SCN11A: variants seen among roughly 807,000 people sequenced by gnomAD.
SCN11A encodes the protein sodium channel protein type 11 subunit alpha.
SCN11A carries 122 observed loss-of-function variants against 162.2 expected under a neutral mutation model. The ratio of observed to expected loss-of-function variants is 0.75; its 90% CI spans 0.65 to 0.87. The LOEUF (loss-of-function observed/expected upper bound fraction) is 0.87. SCN11A is among the 40% of genes least tolerant of loss of function. SCN11A has a pLI of 0.00. For missense variants in SCN11A, 2,015 were observed against 2,181.6 expected (o/e 0.92, Z 1.52); for synonymous variants, 758 against 751.5 (o/e 1.01, Z -0.14).
At chr3:39,012,068 G>A in intron 2 of SCN11A, among the ~76,000 whole-genome samples, 1 of 152,230 alleles carries the variant, frequency 6.6e-6, no homozygotes, top group East Asian at 1.9e-4. Context: ...GCTCATGCCT[G>A]TAATCTCAGC....
chr3:38,856,241 C>A (rs992561044), intron 28 of SCN11A, among the ~76,000 whole-genome samples: 11 of 152,162 alleles, frequency 7.2e-5, no homozygotes, highest in African/African-American at 2.7e-4. Context: ...TCACTGCAGA[C>A]ACAGCTGGGG....
intron 1 of SCN11A, among the ~76,000 whole-genome samples, chr3:39,038,171 AAAC>A (rs2031955607): frequency 1.3e-5 from 2 of 152,226 alleles, no homozygotes; most frequent in Non-Finnish European, 2.9e-5. Context: ...TAGCCACTTA[AAAC>A]AATAATAAAC....
chr3:38,957,542 G>A (rs948018927), intron 3 of SCN11A, among the ~76,000 whole-genome samples: 19 of 152,324 alleles, frequency 1.2e-4, no homozygotes, highest in Non-Finnish European at 2.8e-4. Context: ...ACGACTTGAC[G>A]TGGGGAATGA....
chr3:38,910,150 A>G lies in SCN11A; in HGVS notation c.1017T>C (p.Tyr339=), dbSNP rs1276914789. Residue 339 remains tyrosine, a synonymous_variant, in exon 12 of 30, where the codon TAT becomes TAC. Transcript: ENST00000302328. The part of the protein sequence containing the change: ...KHTKINPDYN[Y]TNFDNFGWSF... ...ACCAGCCAAAGTTGTCAAAATTCGT[A>G]TAATTATAGTCAGGATTAATTTTGG... is the stretch of plus-strand genomic sequence containing the variant. 2 of 1,613,818 alleles carry G rather than the reference A, an allele frequency of 1.2e-6. No individual in the cohort carries two copies. Among genetic ancestry groups the G allele is most frequent in the South Asian group, 2.2e-5 (2 of 91,076 alleles).
intron 2 of SCN11A, among the ~76,000 whole-genome samples, chr3:38,981,910 A>G (rs2030072493): frequency 6.6e-6 from 1 of 151,972 alleles, no homozygotes; most frequent in Non-Finnish European, 1.5e-5. Flanking sequence ...AGACTGAGAC[A>G]TGAGAATCAC....
chr3:38,909,202 G>A lies in SCN11A; in HGVS notation c.1102-8C>T, dbSNP rs1289368772. ...CCCAGTAGTACGCAGGGTCTGCAAA[G>A]GACAGAGCATGTTCTTGAATATCAA... On this transcript the variant is annotated splice_region_variant and splice_polypyrimidine_tract_variant and intron_variant, in intron 12 of 29. Coordinates refer to ENST00000302328, the MANE Select transcript of SCN11A (RefSeq NM_001349253.2). The A allele has an allele frequency of 6.2e-7, 1 of 1,613,652 alleles. No homozygotes were observed.
chr3:39,017,231 C>G (rs1387192328), intron 2 of SCN11A, among the ~76,000 whole-genome samples: 1 of 152,202 alleles, frequency 6.6e-6, no homozygotes, highest in Non-Finnish European at 1.5e-5. Flanking sequence ...AAAGTGAGCT[C>G]TCATCAGACA....
At chr3:39,007,979 G>T (rs115673356) in intron 2 of SCN11A, among the ~76,000 whole-genome samples, 2,282 of 152,276 alleles carry the variant, frequency 0.015, 62 homozygotes, top group African/African-American at 0.051. Flanking sequence ...ATTAACTCTG[G>T]ACAGTTAGTG....
chr3:39,043,422 C>T (rs2032104882), intron 1 of SCN11A, among the ~76,000 whole-genome samples: 1 of 147,112 alleles, frequency 6.8e-6, no homozygotes, highest in South Asian at 2.1e-4. Context: ...CCTAAGTGTC[C>T]ATCAACAGAT....
chr3:38,868,670 T>A (rs1164050977), intron 26 of SCN11A, among the ~76,000 whole-genome samples: 1 of 152,156 alleles, frequency 6.6e-6, no homozygotes, highest in Non-Finnish European at 1.5e-5. Flanking sequence ...CTGCAAGATG[T>A]GTGTCCTGAT....
Position 38,903,853 on chromosome 3 carries a change from G to C in SCN11A, c.1842+12C>G. The C allele has an allele frequency of 1.3e-6, 2 of 1,531,010 alleles. No homozygotes were observed. The highest frequency in any genetic ancestry group is 8.9e-7 in the Non-Finnish European group (1 of 1,119,838). 94.8% of individuals were successfully genotyped at this position (1,531,010 alleles called of 1,614,324 possible). A position where few individuals can be genotyped will look rare whatever the true frequency, so the allele number is the denominator to read the frequency against. On this transcript the variant is annotated intron_variant, in intron 16 of 29. Transcript: ENST00000302328. ...GAAATATGTTTTTTATTTTTAAAAAGTGTAATGTTACCAAATTCCCTATAT... is the reference window on the plus strand; with the variant it reads ...GAAATATGTTTTTTATTTTTAAAAACTGTAATGTTACCAAATTCCCTATAT...
chr3:39,002,843 G>A (rs771988132), intron 2 of SCN11A, among the ~76,000 whole-genome samples: 80 of 152,170 alleles, frequency 5.3e-4, no homozygotes, highest in Admixed American at 1.1e-3. Flanking sequence ...CCAGGAGAAG[G>A]ATAGGAGACC....
intron 4 of SCN11A, among the ~76,000 whole-genome samples, chr3:38,951,451 T>C (rs143131904): frequency 0.016 from 2,435 of 152,354 alleles, 67 homozygotes; most frequent in African/African-American, 0.056. Flanking sequence ...CATGGGCTCC[T>C]GTGCGGCCGG....
intron 29 of SCN11A, chr3:38,849,343 A>G (rs2064737043): frequency 7.2e-6 from 1 of 138,068 alleles, no homozygotes; most frequent in African/African-American, 2.8e-5. Flanking sequence ...TTAAAGGTCT[A>G]CTTAACTGTA....
At chr3:39,032,935 T>C (rs2031799752) in intron 1 of SCN11A, among the ~76,000 whole-genome samples, 1 of 152,052 alleles carries the variant, frequency 6.6e-6, no homozygotes, top group South Asian at 2.1e-4. Flanking sequence ...GCAGATCACT[T>C]GAGGTCAGGA....
intron 11 of SCN11A, among the ~76,000 whole-genome samples, chr3:38,917,682 A>AATC (rs1476772334): frequency 2.6e-5 from 4 of 152,166 alleles, no homozygotes; most frequent in Admixed American, 2.0e-4. Flanking sequence ...AGGTTGAGAG[A>AATC]AGGAAGAGAA....
intron 2 of SCN11A, among the ~76,000 whole-genome samples, chr3:39,001,910 G>A (rs531464165): frequency 3.3e-5 from 5 of 151,986 alleles, no homozygotes; most frequent in African/African-American, 7.2e-5. Flanking sequence ...GGTGGCGGGC[G>A]CCTGTAGTCC....
intron 1 of SCN11A, among the ~76,000 whole-genome samples, chr3:39,047,330 G>C (rs570297268): frequency 6.6e-6 from 1 of 151,774 alleles, no homozygotes; most frequent in African/African-American, 2.4e-5. Context: ...TATATGAAAA[G>C]GAAAGAAACT....
At chr3:38,920,735 G>T (rs2066036203) in intron 10 of SCN11A, among the ~76,000 whole-genome samples, 1 of 151,462 alleles carries the variant, frequency 6.6e-6, no homozygotes, top group South Asian at 2.1e-4. Flanking sequence ...CTTGAGGAGT[G>T]GGGCTGGGAA....
Sources: allele counts gnomAD v4.1 joint callset (sites outside exome capture counted in the v4.1 genomes callset), GRCh38; gene constraint gnomAD v4.1.1; transcripts MANE v1.5; gene names NCBI Gene and HGNC (gene_info 2026-07-23, HGNC 2026-07-21).